Variants in KIF26B observed in about 807,000 individuals in gnomAD.
KIF26B encodes kinesin family member 26B.
Under a neutral mutation model 151.2 loss-of-function variants are expected in KIF26B, and 63 were observed. The observed-to-expected ratio is 0.42, with a 90% CI of 0.34 to 0.51. The LOEUF is 0.51. KIF26B is among the 20% of genes least tolerant of loss of function. The pLI is 0.07. For synonymous variants in KIF26B, 1,357 were observed against 1,262.1 expected (o/e 1.08, Z -1.59); for missense variants, 2,813 against 2,913.6 (o/e 0.97, Z 0.79).
intron 3 of KIF26B, among the ~76,000 whole-genome samples, chr1:245,418,218 G>T (rs1327182827): frequency 1.3e-5 from 2 of 152,214 alleles, no homozygotes; most frequent in East Asian, 3.9e-4. Flanking sequence ...AAGGAAGCCG[G>T]AGGAGAGGCT....
chr1:245,344,657 C>T (rs1286699543), intron 2 of KIF26B, among the ~76,000 whole-genome samples: 1 of 151,992 alleles, frequency 6.6e-6, no homozygotes. Flanking sequence ...CGCCACTTCT[C>T]TATTGCCCAG....
At chr1:245,245,325 G>A (rs894761655) in intron 2 of KIF26B, among the ~76,000 whole-genome samples, 1 of 152,096 alleles carries the variant, frequency 6.6e-6, no homozygotes, top group Admixed American at 6.5e-5. Context: ...GTCACCCCTC[G>A]GCTGAGTCCC....
chr1:245,229,184 C>G (rs1235329731), intron 2 of KIF26B, among the ~76,000 whole-genome samples: 1 of 152,072 alleles, frequency 6.6e-6, no homozygotes, highest in Non-Finnish European at 1.5e-5. Flanking sequence ...GTTGGCCAGG[C>G]TGGTCTTGAA....
intron 2 of KIF26B, among the ~76,000 whole-genome samples, chr1:245,269,837 A>C (rs892386093): frequency 3.3e-5 from 5 of 151,246 alleles, no homozygotes. Context: ...TTCTTTATCC[A>C]CTCATCCATC....
intron 2 of KIF26B, among the ~76,000 whole-genome samples, chr1:245,340,622 G>A (rs755928268): frequency 5.3e-5 from 8 of 152,208 alleles, no homozygotes; most frequent in Non-Finnish European, 1.2e-4. Flanking sequence ...CGATGTATAC[G>A]GCACCATGTA....
rs2044846314 is a variant in KIF26B at position 245,706,757 on chromosome 1, C to T, written c.*4151C>T. 1 of 152,182 alleles carries T rather than the reference C, an allele frequency of 6.6e-6. No homozygotes were observed. The highest frequency in any genetic ancestry group is 1.5e-5 in the Non-Finnish European group (1 of 68,040). 9.4% of individuals were successfully genotyped at this position (152,182 alleles called of 1,614,324 possible). On this transcript the variant is annotated 3_prime_UTR_variant, in exon 15 of 15. Transcript: ENST00000407071. ...CGCCGGGGTATGTGGCCCAGCTGTC[C>T]CCCCATGAAGGACACTCTTCAATGC...
Position 245,564,301 on chromosome 1 carries a change from C to A in KIF26B, c.1350+23351C>A, listed in dbSNP as rs1487334655. On this transcript the variant is annotated intron_variant, in intron 5 of 14. Coordinates refer to ENST00000407071, the MANE Select transcript of KIF26B (RefSeq NM_018012.4). This position sits in a 1 kb window ranked among gnomAD's most constrained non-coding sequence, Gnocchi z 4.6. ...GAACAGATTCGACCTGGGCAGAATG[C>A]TCTTCAGTTTGTTCCTATCTCTGCC... Among the ~76,000 whole-genome samples the A allele has an allele frequency of 6.6e-6, 1 of 152,158 alleles. No homozygotes were observed. The highest frequency in any genetic ancestry group is 1.9e-4 in the East Asian group (1 of 5,188).
At chr1:245,194,579 T>C (rs527920249) in intron 2 of KIF26B, among the ~76,000 whole-genome samples, 79 of 152,258 alleles carry the variant, frequency 5.2e-4, no homozygotes, top group Non-Finnish European at 1.0e-3. Context: ...GGTTTTGCCA[T>C]GTTGCCCAGG....
intron 4 of KIF26B, among the ~76,000 whole-genome samples, chr1:245,532,248 CTTTTTTT>C (rs74163062): frequency 8.2e-6 from 1 of 121,484 alleles, no homozygotes; most frequent in Non-Finnish European, 1.6e-5. Context: ...CTTTTCTTTT[CTTTTTTT>C]TTTTTTTTGA....
At chr1:245,658,478 A>G (rs1054063321) in intron 10 of KIF26B, among the ~76,000 whole-genome samples, 1 of 151,998 alleles carries the variant, frequency 6.6e-6, no homozygotes, top group African/African-American at 2.4e-5. Flanking sequence ...GGCTCGCTGC[A>G]CTCCCAGGCT....
chr1:245,699,126 G>A (rs2044735207), intron 14 of KIF26B, 89 bp downstream of exon 14: 1 of 1,370,266 alleles, frequency 7.3e-7, no homozygotes, highest in Non-Finnish European at 1.0e-6. Context: ...CAGTGACACA[G>A]GCTGTGTCCT....
intron 2 of KIF26B, among the ~76,000 whole-genome samples, chr1:245,179,162 C>A (rs1440648541): frequency 6.6e-6 from 1 of 152,174 alleles, no homozygotes; most frequent in Admixed American, 6.6e-5. Context: ...TCCCCCTCTC[C>A]ACTCTAAAAT....
intron 2 of KIF26B, among the ~76,000 whole-genome samples, chr1:245,333,984 G>A (rs2102992487): frequency 1.3e-5 from 2 of 151,908 alleles, no homozygotes; most frequent in Middle Eastern, 3.4e-3. Context: ...GGGCGACGGA[G>A]TGAGACTCCG....
intron 2 of KIF26B, among the ~76,000 whole-genome samples, chr1:245,235,954 G>T (rs1670101848): frequency 7.0e-6 from 1 of 143,744 alleles, no homozygotes; most frequent in Non-Finnish European, 1.5e-5. Context: ...TTTTGAGACA[G>T]AGTCTCGCTC....
chr1:245,638,556 T>A (rs1057006435), intron 9 of KIF26B, among the ~76,000 whole-genome samples: 1 of 151,896 alleles, frequency 6.6e-6, no homozygotes, highest in Admixed American at 6.6e-5. Flanking sequence ...TGAGCATCCT[T>A]TTCTTATTCC....
At position 245,609,513 on chromosome 1, in the gene KIF26B, C is replaced by G. The variant is rs2043496592; in HGVS notation, c.1899C>G (p.Pro633=). ...CGGGCGTGTACCTCTGTGAGGACCC[C>G]ATCTGCGGCACGCAGGTGATTGCTT... ...QSPGVYLCED[P]ICGTQLQNQS... is the part of the protein sequence containing the mutation. Residue 633 remains proline (P), a synonymous_variant, in exon 8 of 15, where the codon CCC becomes CCG. Coordinates refer to ENST00000407071, the MANE Select transcript of KIF26B (RefSeq NM_018012.4). 1 of 1,558,326 alleles carries G rather than the reference C, an allele frequency of 6.4e-7. No homozygotes were observed. Among genetic ancestry groups the G allele is most frequent in the African/African-American group, 1.4e-5 (1 of 73,714 alleles).
chr1:245,235,930 A>T lies in KIF26B; in HGVS notation c.465+79247A>T, dbSNP rs868393404. ...GCTGCTTGTACACACTGCATCACTT[A>T]TTTTTTTTTTTTTTTTTGAGACAGA... On this transcript the variant is annotated intron_variant, in intron 2 of 14. Coordinates refer to ENST00000407071, the MANE Select transcript of KIF26B (RefSeq NM_018012.4). 3.0e-4 allele frequency among the ~76,000 whole-genome samples: 36 copies of T among 118,332 alleles called. 1 individual carries two copies. Among genetic ancestry groups the T allele is most frequent in the African/African-American group, 1.1e-3 (34 of 31,742 alleles). 77.6% of individuals were successfully genotyped at this position (118,332 alleles called of 152,430 possible). A position where few individuals can be genotyped will look rare whatever the true frequency, so the allele number is the denominator to read the frequency against.
chr1:245,431,088 A>G (rs1658765962), intron 4 of KIF26B, among the ~76,000 whole-genome samples: 2 of 152,186 alleles, frequency 1.3e-5, no homozygotes. Flanking sequence ...GTCATTAACT[A>G]AGCAGTCTCA....
At chr1:245,284,166 G>A (rs1377747110) in intron 2 of KIF26B, among the ~76,000 whole-genome samples, 2 of 151,992 alleles carry the variant, frequency 1.3e-5, no homozygotes, top group Non-Finnish European at 2.9e-5. Flanking sequence ...TTGCTTAGTC[G>A]TGCTTCCTTT....
Sources: allele counts gnomAD v4.1 joint callset (sites outside exome capture counted in the v4.1 genomes callset), GRCh38; gene constraint gnomAD v4.1.1; non-coding constraint Gnocchi (gnomAD v3.1); transcripts MANE v1.5; gene names NCBI Gene and HGNC (gene_info 2026-07-23, HGNC 2026-07-21).